The following PSD3 variants were observed in gnomAD, a reference collection of about 807,000 sequenced individuals.
PSD3 encodes the protein pleckstrin and Sec7 domain containing 3.
PSD3 carries 49 observed loss-of-function variants against 105.5 expected under a neutral mutation model. The observed-to-expected ratio is 0.46, with a 90% CI of 0.37 to 0.59. PSD3 has a LOEUF of 0.59. Ranked by LOEUF, PSD3 falls within the 20% of genes least tolerant of loss-of-function variation. The pLI is 0.00. For missense variants in PSD3, 1,561 were observed against 1,263.8 expected, an observed-to-expected ratio of 1.24 and a Z score of -3.57; for synonymous variants, 557 against 457.8, an observed-to-expected ratio of 1.22 and a Z score of -2.77.
intron 1 of PSD3, among the ~76,000 whole-genome samples, chr8:19,033,314 T>C: frequency 6.6e-6 from 1 of 152,218 alleles, no homozygotes; most frequent in East Asian, 1.9e-4. Context: ...ACTAGTTTAT[T>C]CCGCCTCTAC....
rs536707864 is a variant in PSD3, at chr8:18,642,332, A to G, written c.2217-9526T>C. 1.2e-4 allele frequency among the ~76,000 whole-genome samples: 19 copies of G among 152,318 alleles called. No homozygotes were observed. The South Asian group carries it at 1.9e-3, about 15-fold the overall frequency. ...TCTGGCTAAATTTTCTCACCTTTAA[A>G]AAATATACATATATGTATAAATTAT... On this transcript the variant is annotated intron_variant, in intron 10 of 15. Coordinates refer to ENST00000327040, the MANE Select transcript of PSD3 (RefSeq NM_015310.4).
intron 1 of PSD3, among the ~76,000 whole-genome samples, chr8:18,994,370 C>G (rs1459148627): frequency 2.0e-5 from 3 of 151,892 alleles, no homozygotes; most frequent in African/African-American, 7.3e-5. Flanking sequence ...TAAAAAAATC[C>G]ATCTTTATTT....
intron 1 of PSD3, among the ~76,000 whole-genome samples, chr8:19,082,015 T>C (rs1829660495): frequency 6.6e-6 from 1 of 152,232 alleles, no homozygotes; most frequent in African/African-American, 2.4e-5. Context: ...TATATTTTAA[T>C]CAGCTTTTTG....
At chr8:18,600,332 T>A in intron 12 of PSD3, 32 bp downstream of exon 12, 1 of 1,558,346 alleles carries the variant, frequency 6.4e-7, no homozygotes, top group Non-Finnish European at 8.8e-7. Flanking sequence ...TTTCATCGAG[T>A]TTTGTGGATT....
At chr8:18,564,981 A>T (rs1385405663) in intron 14 of PSD3, among the ~76,000 whole-genome samples, 2 of 152,206 alleles carry the variant, frequency 1.3e-5, no homozygotes, top group African/African-American at 2.4e-5. Flanking sequence ...AAAAAGACCT[A>T]GATATCAGGA....
At chr8:18,959,958 A>G (rs1032086384) in intron 1 of PSD3, among the ~76,000 whole-genome samples, 2 of 152,090 alleles carry the variant, frequency 1.3e-5, no homozygotes, top group African/African-American at 4.8e-5. Flanking sequence ...CACCTCCTTC[A>G]CTAATATTCA....
At chr8:19,069,460 T>C (rs769908950) in intron 1 of PSD3, among the ~76,000 whole-genome samples, 1 of 152,216 alleles carries the variant, frequency 6.6e-6, no homozygotes, top group Non-Finnish European at 1.5e-5. Flanking sequence ...GGGCAGAAGC[T>C]GAATTTATGC....
At chr8:18,754,341 G>A (rs1177828162) in intron 9 of PSD3, among the ~76,000 whole-genome samples, 1 of 152,084 alleles carries the variant, frequency 6.6e-6, no homozygotes, top group African/African-American at 2.4e-5. Flanking sequence ...CTGAGATCAC[G>A]CCACTGCATT....
chr8:18,815,986 G>GT (rs750929916), intron 4 of PSD3, among the ~76,000 whole-genome samples: 4 of 152,120 alleles, frequency 2.6e-5, no homozygotes, highest in African/African-American at 4.8e-5. Flanking sequence ...AATACAAGGA[G>GT]TAAGACCCTC....
rs147156468 is a variant in PSD3, at chr8:18,836,428, C to G, written c.1634+31246G>C. Among the ~76,000 whole-genome samples, 930 of 152,260 alleles carry G rather than the reference C, an allele frequency of 6.1e-3. 8 individuals carry two copies. The highest frequency in any genetic ancestry group is 0.014 in the Middle Eastern group (4 of 294). On this transcript the variant is annotated intron_variant, in intron 4 of 15. Coordinates refer to ENST00000327040, the MANE Select transcript of PSD3 (RefSeq NM_015310.4). Reference sequence around the variant, plus strand: ...TATGTGGATTTTATTTATCTGTGCACATGCAAACTCAAACACAAACACACA... The same window carrying G: ...TATGTGGATTTTATTTATCTGTGCAGATGCAAACTCAAACACAAACACACA...
chr8:18,580,289 A>G (rs886893100), intron 12 of PSD3, among the ~76,000 whole-genome samples: 1 of 152,168 alleles, frequency 6.6e-6, no homozygotes, highest in African/African-American at 2.4e-5. Context: ...TCTTGGGCAC[A>G]TCAGCTCCAG....
chr8:18,578,179 T>A (rs1802576852), intron 12 of PSD3, among the ~76,000 whole-genome samples: 1 of 152,086 alleles, frequency 6.6e-6, no homozygotes, highest in Non-Finnish European at 1.5e-5. Context: ...TCCTTTAATC[T>A]TAGGATTCAG....
intron 9 of PSD3, among the ~76,000 whole-genome samples, chr8:18,724,740 A>G (rs1311715219): frequency 2.0e-5 from 3 of 152,220 alleles, no homozygotes; most frequent in East Asian, 3.9e-4. Flanking sequence ...CATGGGCTTA[A>G]CAAATGATTC....
chr8:18,644,331 T>C (rs987423492), intron 10 of PSD3, among the ~76,000 whole-genome samples: 36 of 152,244 alleles, frequency 2.4e-4, no homozygotes, highest in African/African-American at 8.7e-4. Flanking sequence ...TGGTTAAAAG[T>C]AGCTACTTAG....
intron 2 of PSD3, among the ~76,000 whole-genome samples, chr8:18,918,880 T>C (rs1820803872): frequency 1.3e-5 from 2 of 152,124 alleles, no homozygotes; most frequent in African/African-American, 2.4e-5. Flanking sequence ...TCGTCATTCA[T>C]AAGTGCCAGT....
intron 9 of PSD3, among the ~76,000 whole-genome samples, chr8:18,711,310 G>C (rs1205671847): frequency 6.6e-6 from 1 of 152,080 alleles, no homozygotes; most frequent in Non-Finnish European, 1.5e-5. Flanking sequence ...AATGTAAATG[G>C]GCTAAATGCC....
chr8:18,648,251 C>T (rs781752780), intron 10 of PSD3, among the ~76,000 whole-genome samples: 2 of 152,192 alleles, frequency 1.3e-5, no homozygotes, highest in Non-Finnish European at 2.9e-5. Context: ...TTCCTAGAGG[C>T]TTCTTAAATT....
intron 14 of PSD3, among the ~76,000 whole-genome samples, chr8:18,564,773 G>C (rs17517750): frequency 0.098 from 14,979 of 152,086 alleles, 769 homozygotes; most frequent in South Asian, 0.21. Context: ...CGTAAGGTCA[G>C]CTCCACTCAC....
rs569579791 is a variant in PSD3, at chr8:18,577,281, C to G, written c.2482-1996G>C. On this transcript the variant is annotated intron_variant, in intron 12 of 15. Coordinates refer to ENST00000327040, the MANE Select transcript of PSD3 (RefSeq NM_015310.4). ...GACCAGAGAATATGGTCTAGAAAAT[C>G]TATTTTCCCCAAATTTGGTAAGGTT... Among the ~76,000 whole-genome samples the G allele has an allele frequency of 5.3e-5, 8 of 152,070 alleles. No individual in the cohort carries two copies. In the South Asian group the frequency reaches 1.7e-3, roughly 32 times the overall value.
Sources: gnomAD v4.1 joint callset for allele counts (sites outside exome capture counted in the v4.1 genomes callset) on GRCh38, gnomAD v4.1.1 for gene constraint, MANE v1.5 for transcripts, NCBI Gene and HGNC (gene_info 2026-07-23, HGNC 2026-07-21) for gene names.